Variants in FAM110B observed in about 807,000 individuals in gnomAD.
FAM110B encodes the protein family with sequence similarity 110 member B.
FAM110B carries 6 observed loss-of-function variants against 20.4 expected under a neutral mutation model. That is an observed-to-expected ratio of 0.29 (90% CI 0.16 to 0.58). FAM110B has a LOEUF of 0.58. FAM110B is among the 20% of genes least tolerant of loss of function. FAM110B has a pLI of 0.90. For synonymous variants in FAM110B, 226 were observed against 214.1 expected, an observed-to-expected ratio of 1.06 and a Z score of -0.49; for missense variants, 434 against 498.2, an observed-to-expected ratio of 0.87 and a Z score of 1.23.
chr8:58,124,391 C>T (rs1807441921), intron 3 of FAM110B, among the ~76,000 whole-genome samples: 1 of 152,186 alleles, frequency 6.6e-6, no homozygotes, highest in Non-Finnish European at 1.5e-5. Context: ...GCACTGTCTA[C>T]CAGAAATGCT....
At chr8:58,133,487 C>T (rs578189005) in intron 3 of FAM110B, among the ~76,000 whole-genome samples, 119 of 152,218 alleles carry the variant, frequency 7.8e-4, no homozygotes, top group African/African-American at 2.7e-3. Context: ...ACTCACCATT[C>T]GGGAATGAGG....
intron 3 of FAM110B, among the ~76,000 whole-genome samples, chr8:58,107,530 A>G (rs758227630): frequency 6.6e-6 from 1 of 152,252 alleles, no homozygotes; most frequent in Non-Finnish European, 1.5e-5. Context: ...TGTAGTATGC[A>G]TGCAGAATGT....
chr8:58,022,963 T>G (rs1218168817), intron 1 of FAM110B, among the ~76,000 whole-genome samples: 1 of 152,174 alleles, frequency 6.6e-6, no homozygotes. Flanking sequence ...ACAGATTATA[T>G]GAGACTTAGA....
At chr8:58,041,140 C>T (rs1334169500) in intron 2 of FAM110B, among the ~76,000 whole-genome samples, 1 of 151,922 alleles carries the variant, frequency 6.6e-6, no homozygotes, top group East Asian at 1.9e-4. Context: ...GGGTTTTCCC[C>T]ATGTTGGCCA....
chr8:58,113,269 C>T (rs542766295), intron 3 of FAM110B: 7 of 176,596 alleles, frequency 4.0e-5, no homozygotes, highest in East Asian at 1.3e-4. Flanking sequence ...GCTTTCTGTC[C>T]AAGGATCTTT....
In FAM110B at chr8:58,010,004, G is replaced by A. The variant is rs149143218; in HGVS notation, c.-512+15198G>A. On this transcript the variant is annotated intron_variant, in intron 1 of 3. Transcript: ENST00000519262. ...AGCATTGAGTTGTGGTTGATGGCAC[G>A]GCTCTCTCTGTAGCTGGTGAAACTC... Among the ~76,000 whole-genome samples, 8 of 152,050 alleles carry A rather than the reference G, an allele frequency of 5.3e-5. No individual in the cohort carries two copies. The South Asian group carries it at 8.3e-4, about 16-fold the overall frequency.
At chr8:58,092,298 G>T (rs145406036) in intron 3 of FAM110B, among the ~76,000 whole-genome samples, 2,658 of 151,818 alleles carry the variant, frequency 0.018, 43 homozygotes, top group South Asian at 0.094. Context: ...CAGAATGTGC[G>T]GGTTTGTTAC....
chr8:58,005,424 G>A (rs549774731), intron 1 of FAM110B, among the ~76,000 whole-genome samples: 4 of 152,268 alleles, frequency 2.6e-5, no homozygotes, highest in Admixed American at 6.5e-5. Flanking sequence ...AATATTGTGC[G>A]AATTACCAAA....
chr8:58,093,057 G>T (rs1042245571), intron 3 of FAM110B, among the ~76,000 whole-genome samples: 3 of 152,122 alleles, frequency 2.0e-5, no homozygotes, highest in Non-Finnish European at 2.9e-5. Flanking sequence ...TTTGAAAATT[G>T]TCTGTTCATA....
At chr8:58,075,264 T>TC (rs1806004499) in intron 2 of FAM110B, among the ~76,000 whole-genome samples, 1 of 134,926 alleles carries the variant, frequency 7.4e-6, no homozygotes, top group South Asian at 2.4e-4. Context: ...AATTTTTGCT[T>TC]TTTTTTTTTT....
At chr8:58,070,948 C>T (rs1805883568) in intron 2 of FAM110B, among the ~76,000 whole-genome samples, 1 of 152,108 alleles carries the variant, frequency 6.6e-6, no homozygotes, top group Non-Finnish European at 1.5e-5. Context: ...GTTAACATAT[C>T]CCATTCTGCC....
chr8:57,999,672 T>A lies in FAM110B; in HGVS notation c.-512+4866T>A, dbSNP rs541022124. 4.6e-5 allele frequency among the ~76,000 whole-genome samples: 7 copies of A among 152,334 alleles called. No homozygotes were observed. The East Asian group carries it at 1.2e-3, about 25-fold the overall frequency. ...GTGTGCCAGGTACTTTGAATAAACA[T>A]CAGTCAGGAAAGACAAGGTTCCTTC... On this transcript the variant is annotated intron_variant, in intron 1 of 3. Transcript: ENST00000519262.
intron 1 of FAM110B, among the ~76,000 whole-genome samples, chr8:58,023,513 A>G (rs1438279097): frequency 6.6e-6 from 1 of 152,200 alleles, no homozygotes; most frequent in Non-Finnish European, 1.5e-5. Flanking sequence ...CAGGTCCTGC[A>G]CAAGTTCAAA....
chr8:58,034,299 C>A (rs1205540464), intron 2 of FAM110B, among the ~76,000 whole-genome samples: 1 of 152,188 alleles, frequency 6.6e-6, no homozygotes, highest in Non-Finnish European at 1.5e-5. Context: ...CTTCTGTTTT[C>A]TTATGGTGAG....
At chr8:58,084,333 G>C (rs1806275527) in intron 3 of FAM110B, among the ~76,000 whole-genome samples, 1 of 151,448 alleles carries the variant, frequency 6.6e-6, no homozygotes, top group African/African-American at 2.4e-5. Context: ...AATTTATGTG[G>C]TTCTATAAAA....
At chr8:58,113,429 G>T in intron 3 of FAM110B, 1 of 196,354 alleles carries the variant, frequency 5.1e-6, no homozygotes, top group South Asian at 1.0e-4. Flanking sequence ...CCAGTTTGCT[G>T]ACATTTATAG....
intron 3 of FAM110B, among the ~76,000 whole-genome samples, chr8:58,096,188 T>A (rs942332857): frequency 5.3e-5 from 8 of 152,162 alleles, no homozygotes. Context: ...CTTGACTCTT[T>A]TTTTTGAGAC....
chr8:58,100,856 C>T (rs1415240663), intron 3 of FAM110B: 1 of 152,176 alleles, frequency 6.6e-6, no homozygotes, highest in African/African-American at 2.4e-5. Context: ...CCAATTCAAC[C>T]CATAACACAT....
intron 3 of FAM110B, among the ~76,000 whole-genome samples, chr8:58,087,409 A>T (rs1585874748): frequency 6.6e-6 from 1 of 152,168 alleles, no homozygotes; most frequent in African/African-American, 2.4e-5. Flanking sequence ...TACATTTCAC[A>T]AGCACTTTCA....
Sources: allele counts gnomAD v4.1 joint callset (sites outside exome capture counted in the v4.1 genomes callset), GRCh38; gene constraint gnomAD v4.1.1; transcripts MANE v1.5; gene names NCBI Gene and HGNC (gene_info 2026-07-23, HGNC 2026-07-21).